Variants in OR7E24 observed in about 807,000 individuals in gnomAD.
OR7E24 encodes the protein olfactory receptor 7E24.
For synonymous variants in OR7E24, 130 were observed against 157.5 expected (o/e 0.83, Z 1.31); for missense variants, 385 against 410.3 (o/e 0.94, Z 0.53).
At chr19:9,220,497 T>C in the OR7E24 span, among the ~76,000 whole-genome samples, 110 of 152,352 alleles carry the variant, frequency 7.2e-4, 2 homozygotes, top group Middle Eastern at 3.4e-3. Context: ...TTATTTCACT[T>C]AACACAATGT....
the OR7E24 span, among the ~76,000 whole-genome samples, chr19:9,242,118 C>G: frequency 6.6e-6 from 1 of 152,168 alleles, no homozygotes; most frequent in South Asian, 2.1e-4. Context: ...TGGTTGTGTT[C>G]TTGTTTCCTC....
the OR7E24 span, among the ~76,000 whole-genome samples, chr19:9,239,889 A>G: frequency 2.1e-4 from 32 of 151,608 alleles, no homozygotes; most frequent in African/African-American, 7.5e-4. Context: ...TTGTATTTTT[A>G]ATAGAGATGG....
At position 9,251,249 on chromosome 19, in the gene OR7E24, C is replaced by G. The variant is rs959530379; in HGVS notation, c.206C>G (p.Ser69Cys). 3.1e-6 allele frequency: 5 copies of G among 1,613,936 alleles called. No individual in the cohort carries two copies. The highest frequency in any genetic ancestry group is 4.2e-6 in the Non-Finnish European group (5 of 1,179,998). Residue 69 changes from serine (S) to cysteine (C), a missense_variant, in exon 1 of 1, where the codon TCT (serine) becomes TGT (cysteine). Transcript: ENST00000456448. ...GNLLIILAVS[S>C]DSHLHTPMYF... ...CTGCTCATCATCCTGGCTGTCAGCT[C>G]TGACTCCCACCTCCACACCCCCATG...
At chr19:9,216,411 A>G in the OR7E24 span, among the ~76,000 whole-genome samples, 1 of 152,168 alleles carries the variant, frequency 6.6e-6, no homozygotes, top group Non-Finnish European at 1.5e-5. Flanking sequence ...TTACTACTGT[A>G]TACCATAGAG....
chr19:9,245,328 G>C (rs2066126155), upstream of OR7E24, among the ~76,000 whole-genome samples: 1 of 152,058 alleles, frequency 6.6e-6, no homozygotes, highest in Non-Finnish European at 1.5e-5. Flanking sequence ...ATCAATAGGG[G>C]CATGCAAATA....
the OR7E24 span, among the ~76,000 whole-genome samples, chr19:9,222,009 A>G: frequency 8.5e-5 from 13 of 152,170 alleles, no homozygotes; most frequent in Admixed American, 6.5e-5. Context: ...GTGTGAAGTA[A>G]ATACCTAATT....
the OR7E24 span, chr19:9,210,380 G>C: frequency 6.6e-6 from 1 of 152,322 alleles, no homozygotes; most frequent in African/African-American, 2.4e-5. Flanking sequence ...GCTGAAGCAG[G>C]AGGGTCACTT....
At chr19:9,236,496 C>T in the OR7E24 span, among the ~76,000 whole-genome samples, 10 of 151,504 alleles carry the variant, frequency 6.6e-5, no homozygotes, top group South Asian at 2.1e-4. Context: ...GGTGACAGAG[C>T]GAGACTCTGT....
At chr19:9,210,668 A>G in the OR7E24 span, 1 of 142,818 alleles carries the variant, frequency 7.0e-6, no homozygotes, top group Non-Finnish European at 1.5e-5. Flanking sequence ...ATTTCATTAA[A>G]GAATTTACTA....
At chr19:9,245,991 G>A (rs1417494950), upstream of OR7E24, among the ~76,000 whole-genome samples, 1 of 149,364 alleles carries the variant, frequency 6.7e-6, no homozygotes, top group Non-Finnish European at 1.5e-5. Flanking sequence ...AGTCTGGTGA[G>A]TGTGTATATA....
rs906706479 is a variant in OR7E24, at chr19:9,252,152, T to C, written c.*89T>C. 8.4e-6 allele frequency: 9 copies of C among 1,075,222 alleles called. No individual in the cohort carries two copies. Among genetic ancestry groups the C allele is most frequent in the Non-Finnish European group, 1.2e-5 (9 of 748,172 alleles). The allele number at this position is 1,075,222 out of a possible 1,614,324, so 66.6% of individuals were successfully genotyped here. ...TTGCTTGATGGCTTTCATTCCTCTCTGGGTTTCGTATGTGAATATTGCTTG... is the reference window on the plus strand; with the variant it reads ...TTGCTTGATGGCTTTCATTCCTCTCCGGGTTTCGTATGTGAATATTGCTTG... On this transcript the variant is annotated 3_prime_UTR_variant, in exon 1 of 1. Coordinates refer to ENST00000456448, the MANE Select transcript of OR7E24 (RefSeq NM_001079935.2).
chr19:9,244,549 A>G (rs760053307), upstream of OR7E24, among the ~76,000 whole-genome samples: 1 of 152,236 alleles, frequency 6.6e-6, no homozygotes, highest in Non-Finnish European at 1.5e-5. Flanking sequence ...AAAAGTTAAC[A>G]CAAAATGGAT....
chr19:9,221,688 T>A, the OR7E24 span, among the ~76,000 whole-genome samples: 5 of 152,240 alleles, frequency 3.3e-5, no homozygotes, highest in South Asian at 1.0e-3. Context: ...GTTTTCTTCC[T>A]ACTGAGTTGT....
At position 9,251,860 on chromosome 19, in the gene OR7E24, G is replaced by A. The variant is rs370482036; in HGVS notation, c.817G>A (p.Gly273Arg). ...AGTTGTTTGCTTATTTTATGGAACAGGGCTTGTAGGGTACCTCAGTTCAGC... is the reference window on the plus strand; with the variant it reads ...AGTTGTTTGCTTATTTTATGGAACAAGGCTTGTAGGGTACCTCAGTTCAGC... Reference protein sequence around the residue: ...LAVVCLFYGTGLVGYLSSAVL... With the variant: ...LAVVCLFYGTRLVGYLSSAVL... The change falls in exon 1 of 1, where the codon GGG (glycine) becomes AGG (arginine). Residue 273 changes from glycine (G) to arginine (R), a missense_variant. Physicochemically the swap from Gly to Arg is moderately radical, Grantham distance 125 (BLOSUM62 -2). Coordinates refer to ENST00000456448, the MANE Select transcript of OR7E24 (RefSeq NM_001079935.2). 8.1e-6 allele frequency: 13 copies of A among 1,614,138 alleles called. No homozygotes were observed. The highest frequency in any genetic ancestry group is 6.7e-5 in the East Asian group (3 of 44,882).
upstream of OR7E24, among the ~76,000 whole-genome samples, chr19:9,250,345 T>C (rs2066141804): frequency 6.6e-6 from 1 of 152,226 alleles, no homozygotes. Context: ...TCCTCCTGCC[T>C]TGGCCTCCCA....
chr19:9,227,569 A>G, the OR7E24 span, among the ~76,000 whole-genome samples: 379 of 151,984 alleles, frequency 2.5e-3, no homozygotes, highest in African/African-American at 8.7e-3. Context: ...TCCATGGTGT[A>G]TATGTACCAC....
chr19:9,249,887 G>A (rs1019734886), upstream of OR7E24, among the ~76,000 whole-genome samples: 4 of 152,094 alleles, frequency 2.6e-5, no homozygotes, highest in Middle Eastern at 3.4e-3. Flanking sequence ...CCCAGGAGGC[G>A]GAGGCTGCAG....
chr19:9,220,454 A>G, the OR7E24 span, among the ~76,000 whole-genome samples: 30 of 152,316 alleles, frequency 2.0e-4, no homozygotes, highest in African/African-American at 7.2e-4. Context: ...CATATGAGTG[A>G]GATCATGTGA....
At chr19:9,239,400 C>G in the OR7E24 span, among the ~76,000 whole-genome samples, 1 of 152,148 alleles carries the variant, frequency 6.6e-6, no homozygotes, top group Non-Finnish European at 1.5e-5. Flanking sequence ...TCTTGATCTC[C>G]TGACCCCGTG....
Sources: allele counts gnomAD v4.1 joint callset (sites outside exome capture counted in the v4.1 genomes callset), GRCh38; gene constraint gnomAD v4.1.1; transcripts MANE v1.5; gene names NCBI Gene and HGNC (gene_info 2026-07-23, HGNC 2026-07-21).